The following NRG1 variants were observed in gnomAD, a reference collection of about 807,000 sequenced individuals.
NRG1 encodes pro-neuregulin-1, membrane-bound isoform.
Under a neutral mutation model 63.8 loss-of-function variants are expected in NRG1, and 18 were observed. The observed-to-expected ratio is 0.28, with a 90% CI of 0.19 to 0.42. The LOEUF (loss-of-function observed/expected upper bound fraction) is 0.42, where lower values mean the gene tolerates loss of function less well. Ranked by LOEUF, NRG1 falls within the 10% of genes least tolerant of loss-of-function variation. NRG1 has a pLI of 1.00. For missense variants in NRG1, 762 were observed against 814.7 expected, an observed-to-expected ratio of 0.94 and a Z score of 0.79; for synonymous variants, 302 against 301.3, an observed-to-expected ratio of 1.00 and a Z score of -0.02.
intron 1 of NRG1, among the ~76,000 whole-genome samples, chr8:32,228,119 C>G (rs1409954769): frequency 6.6e-6 from 1 of 152,088 alleles, no homozygotes; most frequent in Non-Finnish European, 1.5e-5. Context: ...TTGGATTTCT[C>G]CATTATGATT....
chr8:32,210,870 CT>C (rs1194234042), intron 1 of NRG1, among the ~76,000 whole-genome samples: 1 of 152,176 alleles, frequency 6.6e-6, no homozygotes, highest in Non-Finnish European at 1.5e-5. Flanking sequence ...TCTCTTTCTT[CT>C]TTAACCATAG....
intron 1 of NRG1, among the ~76,000 whole-genome samples, chr8:31,784,927 A>T (rs1820035190): frequency 6.6e-6 from 1 of 152,174 alleles, no homozygotes; most frequent in Non-Finnish European, 1.5e-5. Context: ...ATTTCAGATC[A>T]GTGTTGTGGA....
At chr8:31,876,756 C>T (rs1173161138) in intron 1 of NRG1, among the ~76,000 whole-genome samples, 2 of 152,168 alleles carry the variant, frequency 1.3e-5, no homozygotes, top group East Asian at 1.9e-4. Context: ...TTCTCTCACT[C>T]TCTTAAAGAA....
At chr8:32,646,891 G>C (rs1273698870) in intron 5 of NRG1, 1 of 984,910 alleles carries the variant, frequency 1.0e-6, no homozygotes, top group Non-Finnish European at 1.2e-6. Context: ...CGGGGAGTGG[G>C]GGTTGGGAGA....
At chr8:32,768,152 T>C (rs1428773333), downstream of NRG1, among the ~76,000 whole-genome samples, 1 of 152,228 alleles carries the variant, frequency 6.6e-6, no homozygotes, top group African/African-American at 2.4e-5. Flanking sequence ...CTACCAATGC[T>C]GTTTATCACT....
chr8:32,261,755 A>G (rs182377716), intron 1 of NRG1, among the ~76,000 whole-genome samples: 1 of 152,300 alleles, frequency 6.6e-6, no homozygotes. Context: ...ACAGACATTC[A>G]ATTTTCTATA....
At chr8:32,654,207 T>G (rs1355790012) in intron 5 of NRG1, among the ~76,000 whole-genome samples, 1 of 152,306 alleles carries the variant, frequency 6.6e-6, no homozygotes, top group African/African-American at 2.4e-5. Flanking sequence ...TTCTCAAAAC[T>G]GTTTTTAGCA....
At chr8:32,209,712 CCCTT>C (rs200085311) in intron 1 of NRG1, among the ~76,000 whole-genome samples, 20,501 of 131,614 alleles carry the variant, frequency 0.16, 1,684 homozygotes, top group East Asian at 0.32. Context: ...TTCTCTCTTT[CCCTT>C]CCTTCCTTCC....
At chr8:32,647,098 T>TC in intron 5 of NRG1, 1 of 985,336 alleles carries the variant, frequency 1.0e-6, no homozygotes, top group Middle Eastern at 5.2e-4. Context: ...CACTCTTGCC[T>TC]CCGGAGCCCT....
chr8:32,253,699 G>A (rs955847987), intron 1 of NRG1, among the ~76,000 whole-genome samples: 2 of 152,150 alleles, frequency 1.3e-5, no homozygotes, highest in South Asian at 2.1e-4. Flanking sequence ...GATGATGCTG[G>A]CATCATAAAA....
chr8:31,988,389 C>T lies in NRG1; in HGVS notation c.37+348958C>T, dbSNP rs555609622. Among the ~76,000 whole-genome samples, 5 of 152,146 alleles carry T rather than the reference C, an allele frequency of 3.3e-5. No homozygotes were observed. In the South Asian group the frequency reaches 6.2e-4, roughly 19 times the overall value. ...GGTCCTCAATTTTTCCTGAATACACCGCTCATGTGGCCACCCCTAACTGAC... is the reference window on the plus strand; with the variant it reads ...GGTCCTCAATTTTTCCTGAATACACTGCTCATGTGGCCACCCCTAACTGAC... On this transcript the variant is annotated intron_variant, in intron 1 of 10. Transcript: ENST00000519301.
intron 1 of NRG1, among the ~76,000 whole-genome samples, chr8:32,116,966 C>A (rs547487930): frequency 8.6e-6 from 1 of 116,864 alleles, no homozygotes; most frequent in East Asian, 2.4e-4. Flanking sequence ...GAGACCCTGT[C>A]TCTACAAAAA....
intron 1 of NRG1, among the ~76,000 whole-genome samples, chr8:31,668,066 T>A (rs1161022381): frequency 6.6e-6 from 1 of 152,200 alleles, no homozygotes; most frequent in Non-Finnish European, 1.5e-5. Context: ...GGTCAAAAGA[T>A]GGAGCAGTGA....
intron 1 of NRG1, among the ~76,000 whole-genome samples, chr8:31,989,012 G>T (rs1368240674): frequency 6.6e-6 from 1 of 151,906 alleles, no homozygotes; most frequent in African/African-American, 2.4e-5. Context: ...ACTTTAGGAG[G>T]CTGAGGTGGG....
rs75527000 is a variant in NRG1, at chr8:32,047,364, A to G, written c.37+407933A>G. On this transcript the variant is annotated intron_variant, in intron 1 of 10. Transcript: ENST00000519301. Reference sequence around the variant, plus strand: ...GTTTTTTCATGATTTCAATACCCCTATAAAAAGATAAAGGCAGCTGGGAAT... The same window carrying G: ...GTTTTTTCATGATTTCAATACCCCTGTAAAAAGATAAAGGCAGCTGGGAAT... 2.9e-3 allele frequency among the ~76,000 whole-genome samples: 444 copies of G among 152,204 alleles called. 6 individuals are homozygous for G. Among genetic ancestry groups the G allele is most frequent in the African/African-American group, 0.01 (429 of 41,544 alleles).
At chr8:31,653,730 A>G (rs1165113430) in intron 1 of NRG1, among the ~76,000 whole-genome samples, 1 of 152,210 alleles carries the variant, frequency 6.6e-6, no homozygotes, top group African/African-American at 2.4e-5. Context: ...GTAGCATTTT[A>G]TGGGTGAGTT....
chr8:31,955,739 T>C (rs1014065207), intron 1 of NRG1, among the ~76,000 whole-genome samples: 3 of 151,912 alleles, frequency 2.0e-5, no homozygotes, highest in African/African-American at 7.3e-5. Context: ...TTTTTTTAAA[T>C]TTAAAAGTTC....
At chr8:32,356,868 C>T (rs560364458) in intron 1 of NRG1, among the ~76,000 whole-genome samples, 2 of 152,286 alleles carry the variant, frequency 1.3e-5, no homozygotes, top group East Asian at 3.9e-4. Flanking sequence ...CACACTCTTT[C>T]AACATCTAAG....
At chr8:32,375,340 G>C (rs927232794) in intron 1 of NRG1, among the ~76,000 whole-genome samples, 2 of 152,082 alleles carry the variant, frequency 1.3e-5, no homozygotes, top group Non-Finnish European at 2.9e-5. Flanking sequence ...AAGTTTAAGA[G>C]ATAAGTATGC....
Sources: gnomAD v4.1 joint callset for allele counts (sites outside exome capture counted in the v4.1 genomes callset) on GRCh38, gnomAD v4.1.1 for gene constraint, MANE v1.5 for transcripts, NCBI Gene and HGNC (gene_info 2026-07-23, HGNC 2026-07-21) for gene names.